The following ATP10A variants were observed in gnomAD, a reference collection of about 807,000 sequenced individuals.
The protein encoded by ATP10A is phospholipid-transporting ATPase VA.
A neutral mutation model predicts 147.8 loss-of-function variants in ATP10A; 111 were observed. That is an observed-to-expected ratio of 0.75 (90% CI 0.64 to 0.88). The LOEUF is 0.88. Among genes scored for constraint, ATP10A ranks in the 40% least tolerant of loss-of-function variants. ATP10A has a pLI of 0.00. For missense variants in ATP10A, 1,927 were observed against 1,959.0 expected (o/e 0.98, Z 0.31); for synonymous variants, 875 against 841.6 (o/e 1.04, Z -0.69).
chr15:25,830,218 G>A (rs1214178644), intron 1 of ATP10A, among the ~76,000 whole-genome samples: 2 of 152,146 alleles, frequency 1.3e-5, no homozygotes, highest in Non-Finnish European at 2.9e-5. Flanking sequence ...GCCATGCAGC[G>A]CTGGCCTTCC....
chr15:25,707,924 G>C, intron 12 of ATP10A, 52 bp downstream of exon 12: 1 of 1,598,118 alleles, frequency 6.3e-7, no homozygotes, highest in Non-Finnish European at 8.6e-7. Flanking sequence ...CTCCAGGGCC[G>C]TCCCTGCAAA....
At chr15:25,836,254 T>C (rs1463169201) in intron 1 of ATP10A, among the ~76,000 whole-genome samples, 1 of 152,202 alleles carries the variant, frequency 6.6e-6, no homozygotes, top group Admixed American at 6.5e-5. Flanking sequence ...GGGAGTATTC[T>C]ACTTTTTCTT....
intron 1 of ATP10A, among the ~76,000 whole-genome samples, chr15:25,788,293 C>A (rs894534723): frequency 2.0e-5 from 3 of 152,252 alleles, no homozygotes; most frequent in Non-Finnish European, 2.9e-5. Flanking sequence ...CACACAGTCT[C>A]AAGTGCATTG....
rs1887246758 is a variant in ATP10A at position 25,736,010 on chromosome 15, A to C, written c.740+46T>G. 3.5e-6 allele frequency: 5 copies of C among 1,434,098 alleles called. No homozygotes were observed. The East Asian group carries it at 1.1e-4, about 33-fold the overall frequency. The allele number at this position is 1,434,098 out of a possible 1,614,324, so 88.8% of individuals were successfully genotyped here. On this transcript the variant is annotated intron_variant, in intron 3 of 20. Coordinates refer to ENST00000555815, the MANE Select transcript of ATP10A (RefSeq NM_024490.4). Reference sequence around the variant, plus strand: ...AGAATGTGTAAACACCTGCCTATGTAGTTATCAAACAGAAGGATGCGCGCA... The same window carrying C: ...AGAATGTGTAAACACCTGCCTATGTCGTTATCAAACAGAAGGATGCGCGCA...
Position 25,856,788 on chromosome 15 carries a change from T to C in ATP10A, c.449+5860A>G, listed in dbSNP as rs75719862. Among the ~76,000 whole-genome samples, 1,038 of 151,886 alleles carry C rather than the reference T, an allele frequency of 6.8e-3. 16 individuals are homozygous for C. Among genetic ancestry groups the C allele is most frequent in the African/African-American group, 0.024 (985 of 41,388 alleles). ...ACAACAACAACAACAACAACAAAAATTCAAACCTGAGCCTGATGAAACACT... is the reference window on the plus strand; with the variant it reads ...ACAACAACAACAACAACAACAAAAACTCAAACCTGAGCCTGATGAAACACT... On this transcript the variant is annotated intron_variant, in intron 1 of 20. Coordinates refer to ENST00000555815, the MANE Select transcript of ATP10A (RefSeq NM_024490.4).
Position 25,701,948 on chromosome 15 carries a change from C to A in ATP10A, c.2728G>T (p.Glu910Ter), listed in dbSNP as rs200358485. Reference protein sequence around the residue: ...AYACKLLDHDEEVITLNATSQ... With the variant: ...AYACKLLDHD The stretch of plus-strand genomic sequence containing the variant: ...GTGGCATTCAGGGTGATGACCTCCT[C>A]GTCGTGGTCCAGCAGTTTGCAGGCA... The change falls in exon 13 of 21, where the codon GAG (glutamate) becomes TAG (stop). Residue 910 changes from glutamate (E) to a stop codon, truncating the protein, a stop_gained. Transcript: ENST00000555815. LOFTEE classifies it high-confidence loss of function. 2.5e-5 allele frequency: 41 copies of A among 1,611,636 alleles called. No individual in the cohort carries two copies. Among genetic ancestry groups the A allele is most frequent in the Non-Finnish European group, 3.5e-5 (41 of 1,178,772 alleles).
chr15:25,781,268 G>A (rs1386960381), intron 1 of ATP10A, 45 bp from the exon 2 acceptor site: 6 of 1,547,872 alleles, frequency 3.9e-6, no homozygotes, highest in Admixed American at 1.9e-5. Flanking sequence ...GACATTGGTC[G>A]TGGCTGGATC....
At chr15:25,778,496 G>A (rs1416816308) in intron 2 of ATP10A, among the ~76,000 whole-genome samples, 50 of 145,516 alleles carry the variant, frequency 3.4e-4, no homozygotes, top group African/African-American at 9.3e-4. Flanking sequence ...TAGGGAAAGA[G>A]AAAAAAAAAA....
intron 1 of ATP10A, among the ~76,000 whole-genome samples, chr15:25,823,104 T>C (rs11857913): frequency 0.095 from 14,407 of 152,158 alleles, 1,368 homozygotes; most frequent in African/African-American, 0.25. Flanking sequence ...TTGAAAAAAA[T>C]CTCAAGAGTG....
chr15:25,675,527 CACT>C (rs1899118568), downstream of ATP10A, among the ~76,000 whole-genome samples: 1 of 150,588 alleles, frequency 6.6e-6, no homozygotes, highest in African/African-American at 2.4e-5. Flanking sequence ...GCAGCCACAC[CACT>C]GAGAGGCCCT....
rs539830343 is a variant in ATP10A at position 25,770,178 on chromosome 15, T to C, written c.654+10841A>G. Among the ~76,000 whole-genome samples the C allele has an allele frequency of 7.9e-5, 12 of 151,004 alleles. No individual in the cohort carries two copies. In the East Asian group the frequency reaches 2.3e-3, roughly 29 times the overall value. Reference sequence around the variant, plus strand: ...GCGAGGTGGGGAGGGGCCCCACCCATGTTTTCAGCCATCACAACACGACCC... The same window carrying C: ...GCGAGGTGGGGAGGGGCCCCACCCACGTTTTCAGCCATCACAACACGACCC... On this transcript the variant is annotated intron_variant, in intron 2 of 20. Coordinates refer to ENST00000555815, the MANE Select transcript of ATP10A (RefSeq NM_024490.4).
chr15:25,674,703 A>C (rs1288550564), downstream of ATP10A, among the ~76,000 whole-genome samples: 1 of 152,220 alleles, frequency 6.6e-6, no homozygotes, highest in African/African-American at 2.4e-5. Context: ...TGAGATGCAA[A>C]GTTAACATCT....
intron 2 of ATP10A, among the ~76,000 whole-genome samples, chr15:25,750,706 TGATGATGATG>T (rs1034233180): frequency 0.076 from 11 of 144 alleles, no homozygotes; most frequent in East Asian, 0.17. Flanking sequence ...CATATATATA[TGATGATGATG>T]ATGATGATGA....
chr15:25,691,396 G>C (rs1386113628), intron 15 of ATP10A, among the ~76,000 whole-genome samples: 2 of 152,174 alleles, frequency 1.3e-5, no homozygotes, highest in African/African-American at 4.8e-5. Flanking sequence ...AAAAGTGCCT[G>C]CTGGGACCGA....
chr15:25,726,743 A>G (rs1902580121), intron 4 of ATP10A, among the ~76,000 whole-genome samples: 1 of 148,784 alleles, frequency 6.7e-6, no homozygotes, highest in African/African-American at 2.5e-5. Context: ...ACATCCAGCC[A>G]TGCTACTCTT....
chr15:25,809,157 G>A (rs1022325068), intron 1 of ATP10A, among the ~76,000 whole-genome samples: 3 of 152,162 alleles, frequency 2.0e-5, no homozygotes, highest in Non-Finnish European at 4.4e-5. Flanking sequence ...TACACTGTGG[G>A]TCAGGGCTCC....
At chr15:25,743,168 C>G (rs948967116) in intron 2 of ATP10A, among the ~76,000 whole-genome samples, 1 of 152,118 alleles carries the variant, frequency 6.6e-6, no homozygotes, top group Non-Finnish European at 1.5e-5. Flanking sequence ...TAGAGGAAGA[C>G]CATACTACTA....
intron 1 of ATP10A, among the ~76,000 whole-genome samples, chr15:25,825,392 A>G (rs1225074130): frequency 1.3e-5 from 2 of 152,206 alleles, no homozygotes; most frequent in Admixed American, 1.3e-4. Context: ...GTGTAGGAAT[A>G]TAAACATGCT....
chr15:25,705,449 A>C (rs1197917265), intron 12 of ATP10A, among the ~76,000 whole-genome samples: 2 of 11,344 alleles, frequency 1.8e-4, no homozygotes, highest in African/African-American at 3.5e-4. Flanking sequence ...GCAAAAAAAA[A>C]AAAACAAAAA....
Sources: allele counts gnomAD v4.1 joint callset (sites outside exome capture counted in the v4.1 genomes callset), GRCh38; gene constraint gnomAD v4.1.1; transcripts MANE v1.5; gene names NCBI Gene and HGNC (gene_info 2026-07-23, HGNC 2026-07-21).